The following RNF213 variants were observed in gnomAD, a reference collection of about 807,000 sequenced individuals.
The protein encoded by RNF213 is E3 ubiquitin-protein ligase RNF213.
RNF213 carries 341 observed loss-of-function variants against 514.4 expected under a neutral mutation model. The observed-to-expected ratio is 0.66, with a 90% CI of 0.61 to 0.73. The LOEUF is 0.73. Among genes scored for constraint, RNF213 ranks in the 30% least tolerant of loss-of-function variants. The pLI is 0.00. For missense variants in RNF213, 5,767 were observed against 6,615.6 expected (o/e 0.87, Z 4.45); for synonymous variants, 2,655 against 2,658.2 (o/e 1.00, Z 0.04).
intron 17 of RNF213, chr17:80,321,563 T>C (rs2046136517): frequency 6.6e-6 from 1 of 152,234 alleles, no homozygotes; most frequent in African/African-American, 2.4e-5. Flanking sequence ...CCATGTTTAA[T>C]TGTTTAAAGA....
intron 42 of RNF213, 150 bp from the exon 43 acceptor site, chr17:80,367,598 C>A: frequency 1.5e-6 from 1 of 660,004 alleles, no homozygotes; most frequent in Non-Finnish European, 2.8e-6. Context: ...AGAGTTCAAG[C>A]GTTAAACACA....
chr17:80,276,854 C>T (rs2145183789), intron 3 of RNF213, among the ~76,000 whole-genome samples: 1 of 151,858 alleles, frequency 6.6e-6, no homozygotes, highest in South Asian at 2.1e-4. Flanking sequence ...AGATTGTGAA[C>T]ATCCTGGCCA....
intron 56 of RNF213, 45 bp downstream of exon 56, chr17:80,381,032 C>T: frequency 1.2e-6 from 2 of 1,600,950 alleles, no homozygotes; most frequent in Non-Finnish European, 1.7e-6. Context: ...TAAGAACCTG[C>T]TTTCGCTTCT....
chr17:80,301,390 G>A (rs561935681), intron 11 of RNF213, among the ~76,000 whole-genome samples: 4 of 151,874 alleles, frequency 2.6e-5, no homozygotes, highest in Admixed American at 6.6e-5. Flanking sequence ...GACAGTCCAC[G>A]GAATGGGAGA....
intron 18 of RNF213, among the ~76,000 whole-genome samples, chr17:80,326,062 G>A (rs1166607166): frequency 6.6e-6 from 1 of 152,018 alleles, no homozygotes; most frequent in Non-Finnish European, 1.5e-5. Context: ...GGGTTCAAGC[G>A]ATTCTCCTGC....
Position 80,377,580 on chromosome 17 carries a change from C to T in RNF213, c.13511-182C>T. 1 of 721,578 alleles carries T rather than the reference C, an allele frequency of 1.4e-6. No individual in the cohort carries two copies. The highest frequency in any genetic ancestry group is 2.6e-6 in the Non-Finnish European group (1 of 390,072). The allele number at this position is 721,578 out of a possible 1,614,324, so 44.7% of individuals were successfully genotyped here. A position where few individuals can be genotyped will look rare whatever the true frequency, so the allele number is the denominator to read the frequency against. ...ATTAGACTCAGACATTTTTCACTGA[C>T]AACATACATTTATTAAGCTTCAGGC... is the stretch of plus-strand genomic sequence containing the variant. On this transcript the variant is annotated intron_variant, in intron 53 of 67. Transcript: ENST00000582970. This position sits in a 1 kb window ranked among gnomAD's most constrained non-coding sequence, Gnocchi z 4.1.
intron 54 of RNF213, chr17:80,379,375 T>C: frequency 1.9e-6 from 1 of 533,430 alleles, no homozygotes; most frequent in Non-Finnish European, 3.4e-6. Flanking sequence ...AAAGTGTCAC[T>C]CTGGGAATAA....
In RNF213 at chr17:80,345,961, T is replaced by G; in HGVS notation, c.7626T>G (p.Gly2542=). 2 of 1,614,120 alleles carry G rather than the reference T, an allele frequency of 1.2e-6. No individual in the cohort carries two copies. Among genetic ancestry groups the G allele is most frequent in the South Asian group, 2.2e-5 (2 of 91,078 alleles). The change falls in exon 29 of 68, where the codon GGT becomes GGG. Residue 2542 remains glycine, a synonymous_variant. Transcript: ENST00000582970. The surrounding 1 kb of genome is among the most constrained non-coding windows in gnomAD (Gnocchi z 6.0). ...EEMICRLESA[G]LGYRVSMEET... is the part of the protein sequence containing the mutation. ...TGATCTGCCGTTTGGAGTCAGCTGG[T>G]TTGGGCTACAGGGTTAGTATGGAGG...
At chr17:80,338,043 C>G (rs374353186) in intron 25 of RNF213, 46 bp downstream of exon 25, 1 of 1,534,084 alleles carries the variant, frequency 6.5e-7, no homozygotes, top group Admixed American at 2.0e-5. Flanking sequence ...GGTGTCATCT[C>G]GTCCGTGAGG....
chr17:80,269,468 T>C (rs1598882354), intron 2 of RNF213, among the ~76,000 whole-genome samples: 1 of 151,328 alleles, frequency 6.6e-6, no homozygotes, highest in Non-Finnish European at 1.5e-5. Flanking sequence ...ATCCATCCAT[T>C]CATCTATTCT....
chr17:80,308,015 TAGTC>T (rs2045432832), intron 13 of RNF213, among the ~76,000 whole-genome samples: 1 of 152,166 alleles, frequency 6.6e-6, no homozygotes, highest in African/African-American at 2.4e-5. Flanking sequence ...TTTTAATACT[TAGTC>T]AGTTTAAGAT....
chr17:80,351,580 G>A (rs1599090149), intron 31 of RNF213, 105 bp from the exon 32 acceptor site: 5 of 699,402 alleles, frequency 7.1e-6, no homozygotes, highest in East Asian at 5.6e-5. Flanking sequence ...CCAACAGCTC[G>A]GAGAACACCC....
Position 80,264,305 on chromosome 17 carries a change from G to GT in RNF213, c.97+532dup, listed in dbSNP as rs2043533387. ...GGGGTTGAGAGCTCTGCCTGGGTTA[G>GT]TTTTTGAGGGGCCGTGAGGGGGCCC... On this transcript the variant is annotated intron_variant, in intron 2 of 67. Coordinates refer to ENST00000582970, the MANE Select transcript of RNF213 (RefSeq NM_001256071.3). The surrounding 1 kb of genome is among the most constrained non-coding windows in gnomAD (Gnocchi z 5.0). Among the ~76,000 whole-genome samples, 1 of 152,156 alleles carries GT rather than the reference G, an allele frequency of 6.6e-6. No individual in the cohort carries two copies. The highest frequency in any genetic ancestry group is 1.5e-5 in the Non-Finnish European group (1 of 68,022).
At chr17:80,340,895 C>G (rs2078138492) in intron 26 of RNF213, 1 of 154,652 alleles carries the variant, frequency 6.5e-6, no homozygotes, top group Non-Finnish European at 1.4e-5. Context: ...ACCTTCGCCT[C>G]CCGGATTCAA....
chr17:80,360,225 A>G lies in RNF213; in HGVS notation c.11200+19A>G. On this transcript the variant is annotated intron_variant, in intron 38 of 67. Coordinates refer to ENST00000582970, the MANE Select transcript of RNF213 (RefSeq NM_001256071.3). ...GCAGAAGGTGAGGCTACCTCAAGAC[A>G]GGTCAGATTCAGCACAGGTGAATCA... The G allele has an allele frequency of 6.2e-7, 1 of 1,607,728 alleles. No homozygotes were observed. Among genetic ancestry groups the G allele is most frequent in the South Asian group, 1.1e-5 (1 of 89,858 alleles).
At position 80,264,606 on chromosome 17, in the gene RNF213, C is replaced by T. The variant is rs1163572606; in HGVS notation, c.97+828C>T. On this transcript the variant is annotated intron_variant, in intron 2 of 67. Transcript: ENST00000582970. This position sits in a 1 kb window ranked among gnomAD's most constrained non-coding sequence, Gnocchi z 5.0. ...CAGCTGCTTCTATCGGACCCATCAC[C>T]CCGGGGCCCTCTCCTTCCTCCATGA... 6.6e-6 allele frequency among the ~76,000 whole-genome samples: 1 copy of T among 152,100 alleles called. No homozygotes were observed. The highest frequency in any genetic ancestry group is 2.1e-4 in the South Asian group (1 of 4,826).
chr17:80,295,045 G>A, intron 9 of RNF213, 42 bp downstream of exon 9: 1 of 1,612,878 alleles, frequency 6.2e-7, no homozygotes, highest in Non-Finnish European at 8.5e-7. Flanking sequence ...CTGGGCAGGA[G>A]CCACACCTGA....
chr17:80,392,246 C>T (rs2080504747), intron 67 of RNF213, among the ~76,000 whole-genome samples: 1 of 152,168 alleles, frequency 6.6e-6, no homozygotes, highest in Admixed American at 6.5e-5. Context: ...ATACCATATA[C>T]ATTTATGTTC....
intron 39 of RNF213, among the ~76,000 whole-genome samples, chr17:80,362,383 TA>T (rs1194171023): frequency 1.3e-5 from 2 of 152,198 alleles, no homozygotes; most frequent in African/African-American, 4.8e-5. Flanking sequence ...CCCTAAGTTT[TA>T]AAAAATGGGT....
Sources: gnomAD v4.1 joint callset for allele counts (sites outside exome capture counted in the v4.1 genomes callset) on GRCh38, gnomAD v4.1.1 for gene constraint, Gnocchi (gnomAD v3.1) non-coding constraint, MANE v1.5 for transcripts, NCBI Gene and HGNC (gene_info 2026-07-23, HGNC 2026-07-21) for gene names.